Variants in KDM6A observed in about 807,000 individuals in gnomAD.
KDM6A encodes the protein lysine-specific demethylase 6A.
In KDM6A, 11 loss-of-function variants were observed where a neutral mutation model predicts 117.6. The observed-to-expected ratio is 0.09, with a 90% CI of 0.06 to 0.15. The LOEUF is 0.15. Among genes scored for constraint, KDM6A ranks in the 10% least tolerant of loss-of-function variants. KDM6A has a pLI of 1.00. For missense variants in KDM6A, 799 were observed against 1,077.3 expected (o/e 0.74, Z 3.62); for synonymous variants, 384 against 396.1 (o/e 0.97, Z 0.36).
At chrX:44,910,696 T>TG (rs1483142887) in intron 2 of KDM6A, among the ~76,000 whole-genome samples, 1 of 109,254 alleles carries the variant, frequency 9.2e-6, no homozygotes, top group South Asian at 4.0e-4. Context: ...GGAGTGGTGA[T>TG]GACTCTTAAC....
intron 3 of KDM6A, among the ~76,000 whole-genome samples, chrX:44,967,841 A>C (rs2039110737): frequency 8.9e-6 from 1 of 112,550 alleles, no homozygotes; most frequent in African/African-American, 3.2e-5. Context: ...GCTTTGTAAA[A>C]TATTTTCTTA....
chrX:45,067,748 G>A (rs778059241), intron 17 of KDM6A, among the ~76,000 whole-genome samples: 7 of 105,593 alleles, frequency 6.6e-5, no homozygotes, highest in Admixed American at 2.0e-4. Flanking sequence ...CGCCTCCTAG[G>A]TTCAAGTGAT....
At position 45,053,865 on chromosome X, in the gene KDM6A, A is replaced by G. The variant is rs1199532217; in HGVS notation, c.785A>G (p.Lys262Arg). The change falls in exon 10 of 30, where the codon AAA (lysine) becomes AGA (arginine). Residue 262 changes from lysine (K) to arginine (R), a missense_variant. Lys to Arg is a conservative substitution (Grantham distance 26). Coordinates refer to ENST00000611820, the MANE Select transcript of KDM6A (RefSeq NM_001291415.2). ...MHHTVDLLGD[K>R]ATKESYAIQY... Reference sequence around the variant, plus strand: ...CACACTGTAGATCTCCTGGGAGATAAAGCCACCAAGGAAAGCTATGCTATT... The same window carrying G: ...CACACTGTAGATCTCCTGGGAGATAGAGCCACCAAGGAAAGCTATGCTATT... 1 of 1,197,150 alleles carries G rather than the reference A, an allele frequency of 8.4e-7. No individual in the cohort carries two copies. The highest frequency in any genetic ancestry group is 2.2e-5 in the Admixed American group (1 of 45,996).
intron 2 of KDM6A, among the ~76,000 whole-genome samples, chrX:44,949,629 T>C (rs1479136766): frequency 8.9e-6 from 1 of 111,827 alleles, no homozygotes; most frequent in East Asian, 2.8e-4. Context: ...GTGGAGCTCA[T>C]GCTCATAAAC....
intron 24 of KDM6A, among the ~76,000 whole-genome samples, 157 bp from the exon 25 acceptor site, chrX:45,085,708 C>CT (rs2045614392): frequency 8.9e-6 from 1 of 112,017 alleles, no homozygotes; most frequent in Non-Finnish European, 1.9e-5. Flanking sequence ...CTAAATACTA[C>CT]TAGAGTGTTC....
intron 2 of KDM6A, among the ~76,000 whole-genome samples, chrX:44,942,057 A>C (rs2037358193): frequency 9.4e-6 from 1 of 106,802 alleles, no homozygotes; most frequent in African/African-American, 3.4e-5. Context: ...TTTTTGAGAC[A>C]GAGTCTCACT....
chrX:44,884,763 T>C (rs2032691816), intron 2 of KDM6A, among the ~76,000 whole-genome samples: 1 of 111,756 alleles, frequency 8.9e-6, no homozygotes, highest in Non-Finnish European at 1.9e-5. Context: ...TTTGACTTTG[T>C]ATCTGACAAC....
chrX:44,960,677 G>A (rs1408922294), intron 2 of KDM6A, among the ~76,000 whole-genome samples: 2 of 111,407 alleles, frequency 1.8e-5, no homozygotes, highest in East Asian at 5.6e-4. Flanking sequence ...TTTGGGAGAG[G>A]AAATGTGAGA....
chrX:45,109,668 A>G (rs1295640705), intron 28 of KDM6A, among the ~76,000 whole-genome samples: 1 of 111,145 alleles, frequency 9.0e-6, no homozygotes, highest in Admixed American at 9.6e-5. Flanking sequence ...AACCCTAGCA[A>G]CTCATCAATC....
intron 17 of KDM6A, among the ~76,000 whole-genome samples, chrX:45,065,081 T>C (rs2044469977): frequency 9.0e-6 from 1 of 111,633 alleles, no homozygotes; most frequent in Non-Finnish European, 1.9e-5. Flanking sequence ...ATACTAGAGA[T>C]TGGTGGTAGG....
At chrX:44,954,513 T>G (rs907968360) in intron 2 of KDM6A, among the ~76,000 whole-genome samples, 2 of 112,158 alleles carry the variant, frequency 1.8e-5, no homozygotes, top group African/African-American at 6.5e-5. Context: ...TTTACTGATC[T>G]GTGTCAGAAG....
chrX:44,899,329 C>T lies in KDM6A; in HGVS notation c.225+25342C>T, dbSNP rs182863170. 3.8e-5 allele frequency among the ~76,000 whole-genome samples: 4 copies of T among 105,123 alleles called. No individual in the cohort carries two copies. The East Asian group carries it at 1.2e-3, about 32-fold the overall frequency. The allele number at this position is 105,123 out of a possible 115,157, so 91.3% of individuals were successfully genotyped here. On this transcript the variant is annotated intron_variant, in intron 2 of 29. Transcript: ENST00000611820. ...AGAAAGGTTTCTTTTGGTAAGCTTA[C>T]TCTTTTACCTGCTTCTGCTTTGTGG...
At chrX:45,025,184 A>G (rs903575947) in intron 6 of KDM6A, among the ~76,000 whole-genome samples, 12 of 108,662 alleles carry the variant, frequency 1.1e-4, no homozygotes, top group African/African-American at 3.4e-4. Context: ...TTTTTTTGAG[A>G]CGGAGTCTCA....
intron 5 of KDM6A, among the ~76,000 whole-genome samples, chrX:45,014,808 C>T (rs1028259094): frequency 8.9e-6 from 1 of 112,010 alleles, no homozygotes; most frequent in Non-Finnish European, 1.9e-5. Context: ...CCTAAGAATC[C>T]TTATTAACTA....
At chrX:44,951,745 G>A (rs777498814) in intron 2 of KDM6A, among the ~76,000 whole-genome samples, 4 of 110,561 alleles carry the variant, frequency 3.6e-5, no homozygotes, top group South Asian at 7.6e-4. Flanking sequence ...GGAGAGGGTC[G>A]TTCTTGCACA....
intron 17 of KDM6A, among the ~76,000 whole-genome samples, chrX:45,065,991 C>T (rs2044514331): frequency 9.0e-6 from 1 of 111,726 alleles, no homozygotes; most frequent in African/African-American, 3.3e-5. Flanking sequence ...AAGGAAACTA[C>T]AGGTTACAGG....
intron 3 of KDM6A, among the ~76,000 whole-genome samples, chrX:44,965,085 C>T (rs2038939742): frequency 1.8e-5 from 2 of 112,303 alleles, no homozygotes; most frequent in Admixed American, 1.9e-4. Context: ...TTAAACTTCA[C>T]GAACCAACCT....
At chrX:44,963,754 T>C (rs1338717613) in intron 3 of KDM6A, among the ~76,000 whole-genome samples, 1 of 110,365 alleles carries the variant, frequency 9.1e-6, no homozygotes, top group Non-Finnish European at 1.9e-5. Flanking sequence ...TCAAATGTTC[T>C]TGTTGCCTAG....
intron 2 of KDM6A, among the ~76,000 whole-genome samples, chrX:44,946,856 T>C (rs1027990072): frequency 1.8e-5 from 2 of 111,842 alleles, no homozygotes; most frequent in African/African-American, 6.5e-5. Flanking sequence ...CTGAGCTCTT[T>C]ATTGCTAAAT....
Sources: gnomAD v4.1 joint callset for allele counts (sites outside exome capture counted in the v4.1 genomes callset) on GRCh38, gnomAD v4.1.1 for gene constraint, MANE v1.5 for transcripts, NCBI Gene and HGNC (gene_info 2026-07-23, HGNC 2026-07-21) for gene names.